Variants in GABRR3 observed in about 807,000 individuals in gnomAD.
GABRR3 encodes gamma-aminobutyric acid receptor subunit rho-3.
A neutral mutation model predicts 43.2 loss-of-function variants in GABRR3; 29 were observed. The observed-to-expected ratio is 0.67, with a 90% CI of 0.50 to 0.92. GABRR3 has a LOEUF of 0.92. Ranked by LOEUF, GABRR3 falls within the 40% of genes least tolerant of loss-of-function variation. The pLI, the probability that GABRR3 is intolerant of heterozygous loss-of-function variation, is 0.00. For missense variants in GABRR3, 576 were observed against 572.3 expected, an observed-to-expected ratio of 1.01 and a Z score of -0.07; for synonymous variants, 206 against 195.9, an observed-to-expected ratio of 1.05 and a Z score of -0.43.
At chr3:98,007,956 A>G (rs1235050530) in intron 6 of GABRR3, 52 bp from the exon 7 acceptor site, 1 of 1,439,198 alleles carries the variant, frequency 6.9e-7, no homozygotes, top group Non-Finnish European at 9.4e-7. Flanking sequence ...TTGTAAGCTC[A>G]ATGAGTTCTA....
chr3:98,013,514 C>T (rs759805841), intron 4 of GABRR3, among the ~76,000 whole-genome samples: 1 of 152,164 alleles, frequency 6.6e-6, no homozygotes, highest in Non-Finnish European at 1.5e-5. Flanking sequence ...TTCACAATTG[C>T]TTACTTCTTA....
intron 4 of GABRR3, 82 bp from the exon 5 acceptor site, chr3:98,012,649 T>G: frequency 2.2e-6 from 2 of 903,554 alleles, no homozygotes; most frequent in Non-Finnish European, 3.5e-6. Context: ...GTCCCAGGAC[T>G]CATTCCTATG....
chr3:97,997,421 T>G (rs1333300317), intron 8 of GABRR3: 1 of 152,160 alleles, frequency 6.6e-6, no homozygotes. Context: ...AAAATAATTT[T>G]GAAAAATTTA....
exon 7 of GABRR3, chr3:98,007,819 C>T (rs769817948): frequency 6.2e-7 from 1 of 1,613,108 alleles, no homozygotes. Flanking sequence ...CAATGAAGAA[C>T]TGAGAAAGGG....
At chr3:98,025,471 T>A in intron 3 of GABRR3, 96 bp downstream of exon 3, 1 of 720,218 alleles carries the variant, frequency 1.4e-6, no homozygotes, top group Non-Finnish European at 2.3e-6. Context: ...TTTAAACTGA[T>A]GGACTTTACT....
At chr3:97,997,821 CA>C (rs1706583308) in intron 8 of GABRR3, 1 of 152,124 alleles carries the variant, frequency 6.6e-6, no homozygotes, top group East Asian at 1.9e-4. Context: ...TTTTATATTT[CA>C]CAAATGCAGA....
intron 9 of GABRR3, among the ~76,000 whole-genome samples, chr3:97,989,224 G>A (rs1706430527): frequency 1.3e-5 from 2 of 151,504 alleles, no homozygotes; most frequent in Middle Eastern, 3.4e-3. Context: ...GTGGATGGTG[G>A]TGGTGGATGG....
At chr3:98,025,419 C>T (rs1706998164) in intron 3 of GABRR3, 148 bp downstream of exon 3, 7 of 545,294 alleles carry the variant, frequency 1.3e-5, no homozygotes, top group Non-Finnish European at 2.2e-5. Context: ...ATCAATTGTT[C>T]TCATTAAAGA....
intron 2 of GABRR3, among the ~76,000 whole-genome samples, chr3:98,031,769 A>C (rs1041630136): frequency 2.0e-5 from 3 of 152,032 alleles, no homozygotes; most frequent in Non-Finnish European, 4.4e-5. Context: ...AAAATTAAAA[A>C]ACAAACAAAA....
intron 8 of GABRR3, chr3:97,998,560 C>T (rs866900140): frequency 5.4e-4 from 82 of 152,078 alleles, no homozygotes; most frequent in African/African-American, 1.9e-3. Flanking sequence ...TTATCACTTG[C>T]TGAGTTTTGG....
rs749331267 is a variant in GABRR3, at chr3:98,007,912, A to G, written c.614-8T>C. 1.9e-5 allele frequency: 30 copies of G among 1,547,500 alleles called. No homozygotes were observed. Among genetic ancestry groups the G allele is most frequent in the Non-Finnish European group, 1.1e-5 (13 of 1,147,158 alleles). On this transcript the variant is annotated splice_polypyrimidine_tract_variant and splice_region_variant and intron_variant, in intron 6 of 9. Transcript: ENST00000621172. The stretch of plus-strand genomic sequence containing the variant: ...CATCCTCATTGTAGGCATCTAAAAC[A>G]TGAAAATATCAGTCTTGTAAGTGTA...
chr3:98,011,092 C>G (rs1460690780), intron 5 of GABRR3, among the ~76,000 whole-genome samples: 4 of 151,956 alleles, frequency 2.6e-5, no homozygotes, highest in Non-Finnish European at 5.9e-5. Flanking sequence ...ACAGTGAGGC[C>G]CTGTTCCTCC....
chr3:97,997,895 A>G (rs1028230016), intron 8 of GABRR3: 2 of 152,202 alleles, frequency 1.3e-5, no homozygotes, highest in African/African-American at 4.8e-5. Flanking sequence ...TACATGCACA[A>G]TACTTACACA....
intron 3 of GABRR3, among the ~76,000 whole-genome samples, chr3:98,018,793 C>T (rs1252055425): frequency 6.6e-6 from 1 of 152,024 alleles, no homozygotes. Context: ...TAAATGGATC[C>T]AAGCTGGTTG....
chr3:98,022,856 A>T (rs1045709398), intron 3 of GABRR3, among the ~76,000 whole-genome samples: 7 of 152,190 alleles, frequency 4.6e-5, no homozygotes, highest in East Asian at 1.9e-4. Flanking sequence ...AAGTATTTTT[A>T]AAAAAATGCA....
At chr3:97,992,772 C>A in intron 9 of GABRR3, 80 bp downstream of exon 9, 1 of 1,309,536 alleles carries the variant, frequency 7.6e-7, no homozygotes, top group South Asian at 1.6e-5. Context: ...AGGCTTACAA[C>A]ACTGTCAAGA....
At chr3:98,015,162 A>G (rs1375652905) in intron 4 of GABRR3, among the ~76,000 whole-genome samples, 1 of 152,224 alleles carries the variant, frequency 6.6e-6, no homozygotes, top group Non-Finnish European at 1.5e-5. Context: ...TTTGAAAAGA[A>G]AATAACTTAA....
downstream of GABRR3, among the ~76,000 whole-genome samples, chr3:97,986,175 A>G (rs1463651795): frequency 3.3e-5 from 5 of 152,178 alleles, no homozygotes; most frequent in Non-Finnish European, 7.3e-5. Flanking sequence ...CTGAAACAAT[A>G]TTTAAATAAG....
downstream of GABRR3, among the ~76,000 whole-genome samples, chr3:97,986,112 C>T (rs140270823): frequency 6.6e-6 from 1 of 152,270 alleles, no homozygotes; most frequent in East Asian, 1.9e-4. Flanking sequence ...ATGATCTGCA[C>T]ACCTCGGCCT....
Sources: gnomAD v4.1 joint callset for allele counts (sites outside exome capture counted in the v4.1 genomes callset) on GRCh38, gnomAD v4.1.1 for gene constraint, MANE v1.5 for transcripts, NCBI Gene and HGNC (gene_info 2026-07-23, HGNC 2026-07-21) for gene names.